STARD13: variants seen among roughly 807,000 people sequenced by gnomAD.
The protein encoded by STARD13 is stAR-related lipid transfer protein 13.
STARD13 carries 62 observed loss-of-function variants against 106.4 expected under a neutral mutation model. The ratio of observed to expected loss-of-function variants is 0.58; its 90% CI spans 0.48 to 0.72. The LOEUF is 0.72. Ranked by LOEUF, STARD13 falls within the 30% of genes least tolerant of loss-of-function variation. The pLI, the probability that STARD13 is intolerant of heterozygous loss-of-function variation, is 0.00. For synonymous variants in STARD13, 565 were observed against 553.0 expected, an observed-to-expected ratio of 1.02 and a Z score of -0.31; for missense variants, 1,387 against 1,424.0, an observed-to-expected ratio of 0.97 and a Z score of 0.42.
chr13:33,194,388 A>T (rs1039953806), intron 1 of STARD13, among the ~76,000 whole-genome samples: 1 of 152,198 alleles, frequency 6.6e-6, no homozygotes, highest in Admixed American at 6.5e-5. Flanking sequence ...TACTAAGAGG[A>T]TTAATGTTTT....
chr13:33,528,533 A>G, the STARD13 span, among the ~76,000 whole-genome samples: 1 of 151,508 alleles, frequency 6.6e-6, no homozygotes, highest in Non-Finnish European at 1.5e-5. Flanking sequence ...TCAACCTCCT[A>G]AAGTCCTGGG....
chr13:33,333,658 A>C (rs1290334333), intron 1 of STARD13: 2 of 152,220 alleles, frequency 1.3e-5, no homozygotes, highest in Admixed American at 1.3e-4. Context: ...CTTAGGAGGG[A>C]GCAAGTCAAT....
chr13:33,553,267 G>A, the STARD13 span, among the ~76,000 whole-genome samples: 1 of 151,750 alleles, frequency 6.6e-6, no homozygotes, highest in Non-Finnish European at 1.5e-5. Context: ...TAAACACCTA[G>A]GTAGGAGATT....
the STARD13 span, among the ~76,000 whole-genome samples, chr13:33,580,281 A>G: frequency 6.6e-6 from 1 of 152,136 alleles, no homozygotes; most frequent in Non-Finnish European, 1.5e-5. Context: ...GCCGAGTGAA[A>G]AAAAGGGGAT....
chr13:33,542,736 C>T, the STARD13 span, among the ~76,000 whole-genome samples: 1 of 152,236 alleles, frequency 6.6e-6, no homozygotes, highest in Non-Finnish European at 1.5e-5. Flanking sequence ...GGTTGCAGCG[C>T]ACATTTCCGG....
chr13:33,321,030 TC>T (rs2138529015), intron 1 of STARD13, among the ~76,000 whole-genome samples: 1 of 152,320 alleles, frequency 6.6e-6, no homozygotes, highest in African/African-American at 2.4e-5. Flanking sequence ...TTTATGGAGA[TC>T]ATTCAATATT....
At chr13:33,119,471 G>A (rs569579587) in intron 7 of STARD13, among the ~76,000 whole-genome samples, 22 of 152,228 alleles carry the variant, frequency 1.4e-4, no homozygotes, top group East Asian at 5.8e-4. Context: ...GTGCCAGGCC[G>A]GCCTCCACCC....
the STARD13 span, among the ~76,000 whole-genome samples, chr13:33,624,958 T>C: frequency 1.3e-5 from 2 of 152,174 alleles, no homozygotes; most frequent in African/African-American, 4.8e-5. Flanking sequence ...TGTCAGAATC[T>C]GTACAAGGAA....
At chr13:33,349,267 C>A in intron 1 of STARD13, 2 of 701,268 alleles carry the variant, frequency 2.9e-6, no homozygotes, top group South Asian at 1.5e-5. Flanking sequence ...TCAGGGTCAC[C>A]TCAGGGGCCC....
intron 1 of STARD13, among the ~76,000 whole-genome samples, chr13:33,217,751 T>C (rs1888126130): frequency 6.6e-6 from 1 of 152,186 alleles, no homozygotes; most frequent in African/African-American, 2.4e-5. Context: ...TGAAAAATAT[T>C]TTAAAAGTTA....
chr13:33,471,747 T>G, the STARD13 span, among the ~76,000 whole-genome samples: 2 of 151,886 alleles, frequency 1.3e-5, no homozygotes, highest in East Asian at 1.9e-4. Context: ...AACAAAATGG[T>G]CTTCCTGAGA....
the STARD13 span, among the ~76,000 whole-genome samples, chr13:33,599,959 C>T: frequency 6.6e-6 from 1 of 152,128 alleles, no homozygotes; most frequent in Admixed American, 6.5e-5. Context: ...AAATGGAAAA[C>T]GCCCCTTTAT....
rs1892029157 is a variant in STARD13, at chr13:33,285,746, A to T, written c.-108T>A. On this transcript the variant is annotated 5_prime_UTR_variant, in exon 1 of 14. Coordinates refer to ENST00000336934, the MANE Select transcript of STARD13 (RefSeq NM_178006.4). ...CAGCCCAGGACAGCTCAACAGACCC[A>T]GCGATTTTTAAAAAGAAAGAGGAGT... The T allele has an allele frequency of 2.7e-6, 4 of 1,496,018 alleles. No homozygotes were observed. The highest frequency in any genetic ancestry group is 1.4e-5 in the African/African-American group (1 of 71,256). The allele number at this position is 1,496,018 out of a possible 1,614,324, so 92.7% of individuals were successfully genotyped here.
chr13:33,318,911 G>A (rs1248377648), intron 1 of STARD13, among the ~76,000 whole-genome samples: 1 of 152,142 alleles, frequency 6.6e-6, no homozygotes, highest in Non-Finnish European at 1.5e-5. Context: ...AATAACAAGT[G>A]TTGATTAGGA....
rs575581508 is a variant in STARD13, at chr13:33,161,165, A to G, written c.323+4172T>C. On this transcript the variant is annotated intron_variant, in intron 3 of 13. Transcript: ENST00000336934. ...ACAAGTGAAAGAAGCCATACTAAAA[A>G]GGCTACATGCTGTTTGATTTCATTT... Among the ~76,000 whole-genome samples, 3 of 152,336 alleles carry G rather than the reference A, an allele frequency of 2.0e-5. No homozygotes were observed. The South Asian group carries it at 6.2e-4, about 32-fold the overall frequency.
At chr13:33,492,734 A>G in the STARD13 span, among the ~76,000 whole-genome samples, 2 of 152,218 alleles carry the variant, frequency 1.3e-5, no homozygotes, top group African/African-American at 4.8e-5. Flanking sequence ...AAAATGGGCA[A>G]CCAGCAGCCC....
chr13:33,665,873 G>T, the STARD13 span, among the ~76,000 whole-genome samples: 1 of 152,154 alleles, frequency 6.6e-6, no homozygotes, highest in Non-Finnish European at 1.5e-5. Context: ...TTTGATTAAT[G>T]AGAGTCTCAA....
the STARD13 span, among the ~76,000 whole-genome samples, chr13:33,383,295 G>T: frequency 6.6e-6 from 1 of 152,172 alleles, no homozygotes; most frequent in Admixed American, 6.5e-5. Context: ...CACTTTGGGA[G>T]TCCCAGGCAG....
At chr13:33,271,053 T>G (rs1173176058) in intron 1 of STARD13, among the ~76,000 whole-genome samples, 1 of 152,196 alleles carries the variant, frequency 6.6e-6, no homozygotes, top group African/African-American at 2.4e-5. Context: ...CCTGTTTTGC[T>G]TCTGGCAAAA....
Sources: allele counts gnomAD v4.1 joint callset (sites outside exome capture counted in the v4.1 genomes callset), GRCh38; gene constraint gnomAD v4.1.1; transcripts MANE v1.5; gene names NCBI Gene and HGNC (gene_info 2026-07-23, HGNC 2026-07-21).